The following CNIH3 variants were observed in gnomAD, a reference collection of about 807,000 sequenced individuals.
CNIH3 encodes protein cornichon homolog 3.
CNIH3 carries 14 observed loss-of-function variants against 24.1 expected under a neutral mutation model. That is an observed-to-expected ratio of 0.58 (90% CI 0.38 to 0.91). The LOEUF is 0.91. CNIH3 is among the 40% of genes least tolerant of loss of function. CNIH3 has a pLI of 0.00. For synonymous variants in CNIH3, 68 were observed against 73.8 expected (o/e 0.92, Z 0.40); for missense variants, 178 against 196.8 (o/e 0.90, Z 0.57).
chr1:224,679,113 A>G (rs190324877), intron 1 of CNIH3, among the ~76,000 whole-genome samples: 2 of 152,328 alleles, frequency 1.3e-5, no homozygotes, highest in Admixed American at 6.5e-5. Flanking sequence ...GTTTATTTCA[A>G]GTATTTAAAA....
chr1:224,705,022 A>G (rs2125183414), intron 3 of CNIH3, among the ~76,000 whole-genome samples: 1 of 152,198 alleles, frequency 6.6e-6, no homozygotes, highest in East Asian at 1.9e-4. Context: ...GGAGGCCAAG[A>G]CAGGAGAATT....
At chr1:224,623,532 G>A (rs1683383819) in intron 1 of CNIH3, among the ~76,000 whole-genome samples, 1 of 152,036 alleles carries the variant, frequency 6.6e-6, no homozygotes, top group South Asian at 2.1e-4. Flanking sequence ...CAACACTGTT[G>A]TAGATTGTTG....
intron 3 of CNIH3, among the ~76,000 whole-genome samples, chr1:224,600,962 C>T (rs1418832160): frequency 6.6e-6 from 1 of 152,220 alleles, no homozygotes; most frequent in Non-Finnish European, 1.5e-5. Context: ...CGAATCCAAA[C>T]AGGTCTGCAG....
At chr1:224,594,087 C>T (rs978086545) in intron 3 of CNIH3, among the ~76,000 whole-genome samples, 5 of 152,174 alleles carry the variant, frequency 3.3e-5, no homozygotes, top group African/African-American at 1.2e-4. Context: ...GTGATGGTTG[C>T]ACAACAGTGT....
chr1:224,625,660 TAAGTG>T (rs764269802), intron 1 of CNIH3, among the ~76,000 whole-genome samples: 3 of 152,108 alleles, frequency 2.0e-5, no homozygotes, highest in Non-Finnish European at 4.4e-5. Flanking sequence ...AATCCAGAAT[TAAGTG>T]GAGGGGAGAT....
intron 1 of CNIH3, among the ~76,000 whole-genome samples, chr1:224,456,007 A>G (rs976791910): frequency 1.3e-5 from 2 of 152,228 alleles, no homozygotes; most frequent in Non-Finnish European, 1.5e-5. Context: ...TATAGCATTT[A>G]AAGTGTATAG....
chr1:224,690,373 G>A (rs892128394), intron 3 of CNIH3, among the ~76,000 whole-genome samples: 4 of 152,032 alleles, frequency 2.6e-5, no homozygotes, highest in Non-Finnish European at 5.9e-5. Flanking sequence ...GCTAATTTTT[G>A]TATTTTTAGT....
At chr1:224,519,559 T>C (rs1453338540) in intron 1 of CNIH3, among the ~76,000 whole-genome samples, 5 of 151,584 alleles carry the variant, frequency 3.3e-5, no homozygotes, top group Non-Finnish European at 7.4e-5. Flanking sequence ...ATACTATATA[T>C]TTTATGTGTG....
chr1:224,690,358 G>A (rs1397606419), intron 3 of CNIH3, among the ~76,000 whole-genome samples: 1 of 152,086 alleles, frequency 6.6e-6, no homozygotes, highest in Non-Finnish European at 1.5e-5. Flanking sequence ...GCACCACCAT[G>A]CCTGGCTAAT....
chr1:224,659,408 C>G (rs542074243), intron 1 of CNIH3, among the ~76,000 whole-genome samples: 1 of 152,180 alleles, frequency 6.6e-6, no homozygotes, highest in Non-Finnish European at 1.5e-5. Context: ...TAGAAATTCT[C>G]TTAGTAAAAT....
At chr1:224,462,643 T>TA (rs1422256446) in intron 1 of CNIH3, among the ~76,000 whole-genome samples, 3 of 148,068 alleles carry the variant, frequency 2.0e-5, no homozygotes, top group African/African-American at 4.9e-5. Context: ...CCCAATTTTT[T>TA]TTTTTTTTTT....
chr1:224,629,368 G>A (rs1683705653), intron 1 of CNIH3, among the ~76,000 whole-genome samples: 1 of 152,002 alleles, frequency 6.6e-6, no homozygotes. Flanking sequence ...TATGTAAAAC[G>A]AAGTTGCACC....
intron 1 of CNIH3, among the ~76,000 whole-genome samples, chr1:224,668,929 T>G (rs1443341094): frequency 5.3e-5 from 8 of 152,056 alleles, no homozygotes; most frequent in Admixed American, 5.2e-4. Flanking sequence ...GCGGGGGGAT[T>G]CTAGCCTAAC....
intron 3 of CNIH3, among the ~76,000 whole-genome samples, chr1:224,554,585 G>T (rs10916638): frequency 0.18 from 26,230 of 149,140 alleles, 2,369 homozygotes; most frequent in South Asian, 0.35. Flanking sequence ...TTTTTTTTTT[G>T]TTGTTGTTGT....
At chr1:224,603,269 A>G (rs1331466322) in intron 3 of CNIH3, among the ~76,000 whole-genome samples, 1 of 152,240 alleles carries the variant, frequency 6.6e-6, no homozygotes, top group Non-Finnish European at 1.5e-5. Context: ...TCTGCTTAGG[A>G]ACAAGGAAAG....
chr1:224,506,630 G>C (rs1366502201), intron 1 of CNIH3, among the ~76,000 whole-genome samples: 1 of 152,168 alleles, frequency 6.6e-6, no homozygotes, highest in Admixed American at 6.5e-5. Flanking sequence ...CCCTTTTAGG[G>C]TAACAATGTG....
chr1:224,655,103 G>A (rs1685037435), intron 1 of CNIH3, among the ~76,000 whole-genome samples: 1 of 152,158 alleles, frequency 6.6e-6, no homozygotes, highest in Admixed American at 6.5e-5. Flanking sequence ...AACCCATGAA[G>A]CTGTTACCAC....
At position 224,683,625 on chromosome 1, in the gene CNIH3, C is replaced by T. The variant is rs140188089; in HGVS notation, c.151-1171C>T. 1.2e-4 allele frequency among the ~76,000 whole-genome samples: 19 copies of T among 152,368 alleles called. No homozygotes were observed. In the East Asian group the frequency reaches 3.3e-3, roughly 26 times the overall value. Reference sequence around the variant, plus strand: ...TTTGGATTTAAGATGCCCTGAAGCTCTCAATATCGTTGGACCCTCTGGGAT... The same window carrying T: ...TTTGGATTTAAGATGCCCTGAAGCTTTCAATATCGTTGGACCCTCTGGGAT... On this transcript the variant is annotated intron_variant, in intron 2 of 5. Transcript: ENST00000272133.
intron 1 of CNIH3, among the ~76,000 whole-genome samples, chr1:224,440,491 C>G (rs1674852895): frequency 6.6e-6 from 1 of 152,200 alleles, no homozygotes; most frequent in Non-Finnish European, 1.5e-5. Flanking sequence ...TCCCAAAGTT[C>G]TGGGATTACA....
Sources: allele counts gnomAD v4.1 joint callset (sites outside exome capture counted in the v4.1 genomes callset), GRCh38; gene constraint gnomAD v4.1.1; transcripts MANE v1.5; gene names NCBI Gene and HGNC (gene_info 2026-07-23, HGNC 2026-07-21).